Variants in CASQ2 observed in about 807,000 individuals in gnomAD.
The protein encoded by CASQ2 is calsequestrin-2.
In CASQ2, 49 loss-of-function variants were observed where a neutral mutation model predicts 46.5. That is an observed-to-expected ratio of 1.05 (90% CI 0.84 to 1.34). The LOEUF is 1.34. Ranked by LOEUF, CASQ2 falls within the 40% of genes most tolerant of loss-of-function variation. The pLI is 0.00. For missense variants in CASQ2, 486 were observed against 481.3 expected (o/e 1.01, Z -0.09); for synonymous variants, 174 against 168.5 (o/e 1.03, Z -0.25).
At chr1:115,737,911 T>C (rs1648021113) in intron 4 of CASQ2, among the ~76,000 whole-genome samples, 1 of 152,126 alleles carries the variant, frequency 6.6e-6, no homozygotes, top group South Asian at 2.1e-4. Flanking sequence ...GCTTGTCCCA[T>C]TGTAGGGGAG....
At chr1:115,750,835 A>T (rs867239706) in intron 1 of CASQ2, among the ~76,000 whole-genome samples, 6 of 152,356 alleles carry the variant, frequency 3.9e-5, no homozygotes, top group Admixed American at 3.3e-4. Flanking sequence ...AATATGCATA[A>T]TTCAATAGGA....
At chr1:115,702,774 G>T (rs1654246355) in intron 10 of CASQ2, 147 bp downstream of exon 10, 2 of 694,466 alleles carry the variant, frequency 2.9e-6, no homozygotes, top group Non-Finnish European at 5.2e-6. Context: ...ACCAGGCGTG[G>T]AACACACTGG....
At chr1:115,761,490 GAAGAAGGAGAAGAAGAA>G (rs1648954937) in intron 1 of CASQ2, among the ~76,000 whole-genome samples, 3 of 43,766 alleles carry the variant, frequency 6.9e-5, no homozygotes, top group Non-Finnish European at 9.9e-5. Context: ...AGAAGAAGGA[GAAGAAGGAGAAGAAGAA>G]GAAGAAGAAG....
At chr1:115,723,545 C>CA (rs1459691605) in intron 7 of CASQ2, among the ~76,000 whole-genome samples, 1 of 148,830 alleles carries the variant, frequency 6.7e-6, no homozygotes, top group Non-Finnish European at 1.5e-5. Context: ...TAATAAGACT[C>CA]TTTTTTTTTT....
At chr1:115,715,380 G>A (rs74226092) in intron 8 of CASQ2, among the ~76,000 whole-genome samples, 10,707 of 152,176 alleles carry the variant, frequency 0.07, 485 homozygotes, top group Middle Eastern at 0.12. Flanking sequence ...ATATTATTCG[G>A]CCCTTAAAAG....
At chr1:115,758,705 G>T (rs1259681007) in intron 1 of CASQ2, among the ~76,000 whole-genome samples, 1 of 152,148 alleles carries the variant, frequency 6.6e-6, no homozygotes, top group Non-Finnish European at 1.5e-5. Flanking sequence ...TTGTTAAAAA[G>T]AGCCTTGCAC....
At chr1:115,729,149 G>A (rs1040418843) in intron 5 of CASQ2, among the ~76,000 whole-genome samples, 6 of 145,142 alleles carry the variant, frequency 4.1e-5, no homozygotes, top group Admixed American at 7.3e-5. Context: ...TCCCAGGTTC[G>A]AGCGATTCTC....
intron 1 of CASQ2, among the ~76,000 whole-genome samples, chr1:115,761,516 A>AGAAGAAGAAGAAGAAGAAGAAGAG (rs1557806922): frequency 1.9e-5 from 2 of 104,960 alleles, no homozygotes; most frequent in African/African-American, 7.5e-5. Context: ...AAGAAGAAGA[A>AGAAGAAGAAGAAGAAGAAGAAGAG]GAAGAAGAAG....
At chr1:115,760,519 TCCTCTAGTCTCAG>T (rs1009438735) in intron 1 of CASQ2, among the ~76,000 whole-genome samples, 88 of 152,312 alleles carry the variant, frequency 5.8e-4, no homozygotes, top group African/African-American at 2.1e-3. Flanking sequence ...CCTAAAGCAA[TCCTCTAGTCTCAG>T]CCTCCCAAGT....
At chr1:115,717,299 G>C (rs931975353) in intron 8 of CASQ2, among the ~76,000 whole-genome samples, 1 of 152,088 alleles carries the variant, frequency 6.6e-6, no homozygotes, top group Non-Finnish European at 1.5e-5. Flanking sequence ...TCTCTTTTAG[G>C]TTCTGCATAC....
intron 8 of CASQ2, among the ~76,000 whole-genome samples, chr1:115,716,878 T>C (rs2101067823): frequency 6.6e-6 from 1 of 152,258 alleles, no homozygotes; most frequent in African/African-American, 2.4e-5. Flanking sequence ...TTAAAAGTGA[T>C]ATGGTTTGGA....
intron 4 of CASQ2, among the ~76,000 whole-genome samples, chr1:115,737,638 G>A (rs180996508): frequency 9.4e-4 from 143 of 152,254 alleles, no homozygotes; most frequent in African/African-American, 3.4e-3. Context: ...ATCCCTATAT[G>A]GGCTGTAGTG....
At chr1:115,758,848 G>A (rs1389916125) in intron 1 of CASQ2, among the ~76,000 whole-genome samples, 2 of 152,158 alleles carry the variant, frequency 1.3e-5, no homozygotes, top group East Asian at 3.9e-4. Context: ...AACTTTTTCA[G>A]ACATCAGAAT....
At chr1:115,742,299 A>G (rs17034393) in intron 2 of CASQ2, among the ~76,000 whole-genome samples, 15,833 of 152,158 alleles carry the variant, frequency 0.1, 951 homozygotes, top group South Asian at 0.24. Flanking sequence ...CTTGATATCA[A>G]TGATGGCCAA....
In CASQ2 at chr1:115,738,310, A is replaced by G; in HGVS notation, c.446T>C (p.Ile149Thr). Residue 149 changes from isoleucine to threonine, a missense_variant, in exon 4 of 11, where the codon ATC becomes ACC. Coordinates refer to ENST00000261448, the MANE Select transcript of CASQ2 (RefSeq NM_001232.4). ...LDLIEDPVEIISSKLEVQAFE... is the reference protein window; with the variant it reads ...LDLIEDPVEITSSKLEVQAFE... ...GGCTTGGACTTCCAGTTTGCTGCTG[A>G]TGATCTCCACTGGGTCTTCAATTAG... The G allele has an allele frequency of 6.2e-7, 1 of 1,612,766 alleles. No individual in the cohort carries two copies. Among genetic ancestry groups the G allele is most frequent in the South Asian group, 1.1e-5 (1 of 91,054 alleles).
chr1:115,758,734 T>A (rs1648843373), intron 1 of CASQ2, among the ~76,000 whole-genome samples: 1 of 152,212 alleles, frequency 6.6e-6, no homozygotes, highest in Admixed American at 6.5e-5. Context: ...TCTCTCTCGC[T>A]TCCTCTGGTG....
rs1557789413 is a variant in CASQ2 at position 115,717,898 on chromosome 1, T to C, written c.784-4A>G. On this transcript the variant is annotated splice_polypyrimidine_tract_variant and splice_region_variant and intron_variant, in intron 7 of 10. Transcript: ENST00000261448. ...GGATCCCATTCAAATCATCTTCCTG[T>C]ATGAGAAAAGTAACAAAAGTTACAC... The C allele has an allele frequency of 6.2e-7, 1 of 1,605,176 alleles. No individual in the cohort carries two copies. The highest frequency in any genetic ancestry group is 1.3e-5 in the African/African-American group (1 of 74,782).
At chr1:115,715,445 G>A (rs1425817142) in intron 8 of CASQ2, among the ~76,000 whole-genome samples, 1 of 152,196 alleles carries the variant, frequency 6.6e-6, no homozygotes, top group African/African-American at 2.4e-5. Flanking sequence ...CTAAGTGAAA[G>A]ATGCCACACA....
Position 115,732,940 on chromosome 1 carries a change from G to A in CASQ2, c.567C>T (p.Phe189=). Reference sequence around the variant, plus strand: ...TGGCAAAGAATTTGATGTAAGGCTGGAAGTGTTCAGCTGCTTCTTCAAAAG... The same window carrying A: ...TGGCAAAGAATTTGATGTAAGGCTGAAAGTGTTCAGCTGCTTCTTCAAAAG... ...YKAFEEAAEH[F]QPYIKFFATF... is the part of the protein sequence containing the mutation. The change falls in exon 5 of 11, where the codon TTC becomes TTT. Residue 189 remains phenylalanine, a synonymous_variant. Transcript: ENST00000261448. The A allele has an allele frequency of 1.2e-6, 2 of 1,613,874 alleles. No individual in the cohort carries two copies. The highest frequency in any genetic ancestry group is 1.7e-6 in the Non-Finnish European group (2 of 1,179,832).
Sources: allele counts gnomAD v4.1 joint callset (sites outside exome capture counted in the v4.1 genomes callset), GRCh38; gene constraint gnomAD v4.1.1; transcripts MANE v1.5; gene names NCBI Gene and HGNC (gene_info 2026-07-23, HGNC 2026-07-21).